The following PLXNA4 variants were observed in gnomAD, a reference collection of about 807,000 sequenced individuals.
The protein encoded by PLXNA4 is plexin A4.
In PLXNA4, 44 loss-of-function variants were observed where a neutral mutation model predicts 191.8. The ratio of observed to expected loss-of-function variants is 0.23; its 90% CI spans 0.18 to 0.29. The LOEUF (loss-of-function observed/expected upper bound fraction) is 0.29, where lower values mean the gene tolerates loss of function less well. Among genes scored for constraint, PLXNA4 ranks in the 10% least tolerant of loss-of-function variants. The pLI is 1.00. For synonymous variants in PLXNA4, 1,082 were observed against 1,009.5 expected, an observed-to-expected ratio of 1.07 and a Z score of -1.36; for missense variants, 1,800 against 2,488.8, an observed-to-expected ratio of 0.72 and a Z score of 5.89.
intron 2 of PLXNA4, among the ~76,000 whole-genome samples, chr7:132,611,415 G>A (rs1267793175): frequency 2.0e-5 from 3 of 152,094 alleles, no homozygotes; most frequent in Admixed American, 6.5e-5. Flanking sequence ...CCAAATCCAC[G>A]CTCCGACACA....
At chr7:132,539,382 G>T (rs1325895926) in intron 1 of PLXNA4, among the ~76,000 whole-genome samples, 1 of 152,176 alleles carries the variant, frequency 6.6e-6, no homozygotes, top group African/African-American at 2.4e-5. Flanking sequence ...CCAGTCAGTG[G>T]TTCTCAAGTT....
Position 132,225,618 on chromosome 7 carries a change from C to A in PLXNA4, c.1982+543G>T, listed in dbSNP as rs547647925. ...TCCTGACCCCTAAGCCAGAGTCCGCCCCCCCCCACAGCTTTCTGCCTCCCT... is the reference window on the plus strand; with the variant it reads ...TCCTGACCCCTAAGCCAGAGTCCGCACCCCCCCACAGCTTTCTGCCTCCCT... On this transcript the variant is annotated intron_variant, in intron 8 of 31. Transcript: ENST00000321063. Among the ~76,000 whole-genome samples, 401 of 151,152 alleles carry A rather than the reference C, an allele frequency of 2.7e-3. 5 individuals are homozygous for A. Among genetic ancestry groups the A allele is most frequent in the African/African-American group, 9.5e-3 (393 of 41,264 alleles).
chr7:132,378,771 A>G (rs552942982), intron 3 of PLXNA4, among the ~76,000 whole-genome samples: 2 of 152,046 alleles, frequency 1.3e-5, no homozygotes, highest in Admixed American at 1.3e-4. Flanking sequence ...CAATGGTATC[A>G]GGAGGTTCTG....
chr7:132,471,898 T>C (rs1796949009), intron 3 of PLXNA4, among the ~76,000 whole-genome samples: 1 of 152,250 alleles, frequency 6.6e-6, no homozygotes, highest in South Asian at 2.1e-4. Flanking sequence ...CTGGCTTGTT[T>C]GTTTTCTCAG....
intron 3 of PLXNA4, among the ~76,000 whole-genome samples, chr7:132,487,309 C>T (rs1175707284): frequency 6.6e-6 from 1 of 152,118 alleles, no homozygotes; most frequent in African/African-American, 2.4e-5. Context: ...GAAGTTACTT[C>T]TACATTGCAC....
At chr7:132,194,265 C>T (rs982510397) in intron 13 of PLXNA4, 86 bp from the exon 14 acceptor site, 1 of 1,498,496 alleles carries the variant, frequency 6.7e-7, no homozygotes, top group Admixed American at 1.9e-5. Context: ...AGGTCCCTTT[C>T]TCCACAGTAG....
chr7:132,374,373 G>A (rs527851472), intron 3 of PLXNA4, among the ~76,000 whole-genome samples: 38 of 152,100 alleles, frequency 2.5e-4, no homozygotes, highest in Non-Finnish European at 4.7e-4. Flanking sequence ...CAGTTCTGAG[G>A]GGCTGATCCA....
Position 132,194,066 on chromosome 7 carries a change from A to C in PLXNA4, c.2852T>G (p.Phe951Cys). The change falls in exon 14 of 32, where the codon TTC (phenylalanine) becomes TGC (cysteine). Residue 951 changes from phenylalanine (F) to cysteine (C), a missense_variant. Physicochemically the swap from Phe to Cys is radical, Grantham distance 205. Transcript: ENST00000321063. ...TCACTGCTGGCCAAGACTCACCATG[A>C]AGTAATAGAGCTGTGAGGACCGGGC... Reference protein sequence around the residue: ...FMARSSQLYYFMTLTLSDLKP... With the variant: ...FMARSSQLYYCMTLTLSDLKP... 6.2e-7 allele frequency: 1 copy of C among 1,613,446 alleles called. No homozygotes were observed. The highest frequency in any genetic ancestry group is 8.5e-7 in the Non-Finnish European group (1 of 1,179,476).
intron 3 of PLXNA4, among the ~76,000 whole-genome samples, chr7:132,468,728 G>GCACACA (rs1233486796): frequency 7.6e-5 from 11 of 145,030 alleles, no homozygotes; most frequent in African/African-American, 3.0e-4. Flanking sequence ...CACACAATAT[G>GCACACA]CACACGCACA....
chr7:132,643,096 G>A (rs1223210095), intron 2 of PLXNA4, among the ~76,000 whole-genome samples: 2 of 152,112 alleles, frequency 1.3e-5, no homozygotes, highest in Non-Finnish European at 2.9e-5. Flanking sequence ...CCTGCAGGAG[G>A]AGGAGGGGGA....
chr7:132,382,772 A>T (rs148590471), intron 3 of PLXNA4, among the ~76,000 whole-genome samples: 3 of 152,332 alleles, frequency 2.0e-5, no homozygotes, highest in African/African-American at 7.2e-5. Context: ...GCACAATTAT[A>T]TATTGTCTGA....
At position 132,552,606 on chromosome 7, in the gene PLXNA4, C is replaced by G. The variant is rs529246449; in HGVS notation, c.-87+23816G>C. Among the ~76,000 whole-genome samples the G allele has an allele frequency of 2.0e-5, 3 of 152,342 alleles. No homozygotes were observed. The South Asian group carries it at 6.2e-4, about 32-fold the overall frequency. ...AAGGTGAGAATAAAAAGTCCTTCTG[C>G]AAGTGTGAGGTTTCCAGCTGAAGTG... On this transcript the variant is annotated intron_variant, in intron 1 of 31. Transcript: ENST00000321063.
chr7:132,439,238 C>A (rs1476984798), intron 3 of PLXNA4, among the ~76,000 whole-genome samples: 1 of 152,208 alleles, frequency 6.6e-6, no homozygotes, highest in East Asian at 1.9e-4. Flanking sequence ...AACAAACCCA[C>A]CTTGCTTGGG....
At chr7:132,449,765 A>G (rs1030740793) in intron 3 of PLXNA4, among the ~76,000 whole-genome samples, 1 of 152,210 alleles carries the variant, frequency 6.6e-6, no homozygotes, top group Non-Finnish European at 1.5e-5. Context: ...GCACTGCCTC[A>G]ACAGAGAGGC....
At chr7:132,497,164 G>A (rs1464344054) in intron 2 of PLXNA4, among the ~76,000 whole-genome samples, 1 of 151,766 alleles carries the variant, frequency 6.6e-6, no homozygotes, top group Non-Finnish European at 1.5e-5. Context: ...CCTGGTTGCT[G>A]ACCATAGCAC....
At chr7:132,239,976 G>A (rs1396783378) in intron 5 of PLXNA4, among the ~76,000 whole-genome samples, 1 of 152,186 alleles carries the variant, frequency 6.6e-6, no homozygotes, top group Non-Finnish European at 1.5e-5. Context: ...ACCCAGAGAT[G>A]TATTCGAGTT....
chr7:132,242,711 T>C (rs531468046), intron 4 of PLXNA4, among the ~76,000 whole-genome samples: 1 of 152,294 alleles, frequency 6.6e-6, no homozygotes, highest in Admixed American at 6.5e-5. Flanking sequence ...CAGATGTCTT[T>C]TTTGCACATT....
chr7:132,594,932 TAGA>T (rs1049545266), intron 2 of PLXNA4, among the ~76,000 whole-genome samples: 2 of 134,504 alleles, frequency 1.5e-5, no homozygotes, highest in African/African-American at 5.4e-5. Context: ...GATAGATAGA[TAGA>T]TAGATAGATA....
At chr7:132,279,879 C>G (rs1800416137) in intron 4 of PLXNA4, among the ~76,000 whole-genome samples, 1 of 152,286 alleles carries the variant, frequency 6.6e-6, no homozygotes, top group East Asian at 1.9e-4. Flanking sequence ...ACGCCCAAAG[C>G]TGAAGTCAAC....
Sources: allele counts gnomAD v4.1 joint callset (sites outside exome capture counted in the v4.1 genomes callset), GRCh38; gene constraint gnomAD v4.1.1; transcripts MANE v1.5; gene names NCBI Gene and HGNC (gene_info 2026-07-23, HGNC 2026-07-21).